The following RIMS2 variants were observed in gnomAD, a reference collection of about 807,000 sequenced individuals.
The protein encoded by RIMS2 is regulating synaptic membrane exocytosis protein 2.
In RIMS2, 59 loss-of-function variants were observed where a neutral mutation model predicts 174.4. The observed-to-expected ratio is 0.34, with a 90% CI of 0.27 to 0.42. The LOEUF is 0.42. Ranked by LOEUF, RIMS2 falls within the 10% of genes least tolerant of loss-of-function variation. RIMS2 has a pLI of 1.00. For synonymous variants in RIMS2, 606 were observed against 572.5 expected (o/e 1.06, Z -0.84); for missense variants, 1,620 against 1,666.3 (o/e 0.97, Z 0.48).
chr8:104,235,270 G>T (rs1446518354), intron 19 of RIMS2, among the ~76,000 whole-genome samples: 1 of 152,104 alleles, frequency 6.6e-6, no homozygotes, highest in Non-Finnish European at 1.5e-5. Flanking sequence ...ACTAAGTGAA[G>T]ATGGAAGCCC....
intron 19 of RIMS2, among the ~76,000 whole-genome samples, chr8:104,044,058 G>A (rs919190768): frequency 3.3e-5 from 5 of 151,574 alleles, no homozygotes; most frequent in African/African-American, 9.7e-5. Context: ...GATTTTGAGC[G>A]GCTTCCCCTC....
chr8:104,114,590 A>G (rs72683202), intron 19 of RIMS2, among the ~76,000 whole-genome samples: 3,497 of 152,090 alleles, frequency 0.023, 60 homozygotes, highest in Non-Finnish European at 0.037. Context: ...TAACAGTAGT[A>G]TTTAAACCCA....
chr8:103,910,001 TATATATAGTGAGTGCTACAGACAA>T, intron 4 of RIMS2: 1 of 517,676 alleles, frequency 1.9e-6, no homozygotes, highest in Non-Finnish European at 3.5e-6. Flanking sequence ...TATATATATA[TATATATAGTGAGTGCTACAGACAA>T]AGTTCTTGAG....
At chr8:104,066,923 A>G (rs2097114816) in intron 19 of RIMS2, among the ~76,000 whole-genome samples, 1 of 152,116 alleles carries the variant, frequency 6.6e-6, no homozygotes, top group South Asian at 2.1e-4. Context: ...ATTTTCATTA[A>G]ACGATTTTCC....
At chr8:104,079,874 T>A (rs2097378481) in intron 19 of RIMS2, among the ~76,000 whole-genome samples, 1 of 151,726 alleles carries the variant, frequency 6.6e-6, no homozygotes, top group Non-Finnish European at 1.5e-5. Flanking sequence ...GGATTAATTT[T>A]AGTGAATGAA....
intron 19 of RIMS2, chr8:104,223,590 G>A: frequency 6.7e-7 from 1 of 1,497,542 alleles, no homozygotes; most frequent in Non-Finnish European, 8.9e-7. Flanking sequence ...TGCGGACGCT[G>A]CGCCCCAGCC....
intron 6 of RIMS2, among the ~76,000 whole-genome samples, chr8:103,914,913 A>G (rs1422365141): frequency 5.9e-5 from 9 of 152,116 alleles, no homozygotes; most frequent in Non-Finnish European, 8.8e-5. Flanking sequence ...TTCATTTTCT[A>G]AAAGTTATAT....
intron 14 of RIMS2, among the ~76,000 whole-genome samples, chr8:103,956,876 A>ATC (rs2087464326): frequency 6.6e-6 from 1 of 152,362 alleles, no homozygotes; most frequent in Non-Finnish European, 1.5e-5. Context: ...AATATCCAGA[A>ATC]TCTACAAAGA....
At chr8:103,620,289 G>T (rs1224331955) in intron 1 of RIMS2, among the ~76,000 whole-genome samples, 1 of 151,856 alleles carries the variant, frequency 6.6e-6, no homozygotes, top group Non-Finnish European at 1.5e-5. Context: ...ATTTGCTCAG[G>T]GAATACAAGC....
intron 3 of RIMS2, chr8:103,819,554 A>T (rs751761905): frequency 6.2e-7 from 1 of 1,613,580 alleles, no homozygotes; most frequent in Non-Finnish European, 8.5e-7. Flanking sequence ...GTTTTATCTC[A>T]TTTTCATGGG....
At chr8:103,823,982 A>C (rs1262307145) in intron 3 of RIMS2, among the ~76,000 whole-genome samples, 1 of 152,042 alleles carries the variant, frequency 6.6e-6, no homozygotes, top group East Asian at 1.9e-4. Context: ...CTATAACATT[A>C]TTCATTATAG....
chr8:104,154,104 C>A (rs1324528348), intron 19 of RIMS2, among the ~76,000 whole-genome samples: 2 of 152,138 alleles, frequency 1.3e-5, no homozygotes, highest in Non-Finnish European at 1.5e-5. Flanking sequence ...ACATGTAAAT[C>A]ATTTAAACCT....
intron 16 of RIMS2, among the ~76,000 whole-genome samples, chr8:103,984,652 A>G (rs1184747021): frequency 6.6e-6 from 1 of 152,244 alleles, no homozygotes; most frequent in African/African-American, 2.4e-5. Flanking sequence ...GGTTCCTCAA[A>G]AAACTAAAAA....
At chr8:103,666,079 C>T (rs1460429160) in intron 1 of RIMS2, among the ~76,000 whole-genome samples, 2 of 152,012 alleles carry the variant, frequency 1.3e-5, no homozygotes, top group Non-Finnish European at 1.5e-5. Flanking sequence ...TCCCCTGAAC[C>T]AGAATAGATT....
chr8:103,918,206 T>C (rs925334486), intron 8 of RIMS2, among the ~76,000 whole-genome samples: 1 of 152,214 alleles, frequency 6.6e-6, no homozygotes, highest in African/African-American at 2.4e-5. Flanking sequence ...TTTAAAAGTA[T>C]GCTATGGATG....
intron 19 of RIMS2, among the ~76,000 whole-genome samples, chr8:104,240,694 TC>T (rs1214110322): frequency 6.6e-6 from 1 of 151,902 alleles, no homozygotes; most frequent in Non-Finnish European, 1.5e-5. Context: ...TCTGCCCTCC[TC>T]CCCCTCCCTT....
chr8:104,252,211 G>C (rs190532813), downstream of RIMS2: 1 of 226,762 alleles, frequency 4.4e-6, no homozygotes, highest in African/African-American at 2.3e-5. Context: ...CAGAAATGGA[G>C]CTATACAGCC....
chr8:104,013,401 C>T lies in RIMS2; in HGVS notation c.3045-41C>T, dbSNP rs775270014. ...GCATCATAACCAAATAGCAGAAGGG[C>T]ACTAAAGATCAACTGAGCTGCTTTT... On this transcript the variant is annotated intron_variant, in intron 17 of 23. Coordinates refer to ENST00000504942, the Ensembl canonical transcript of RIMS2. 18 of 1,529,752 alleles carry T rather than the reference C, an allele frequency of 1.2e-5. No individual in the cohort carries two copies. In the Admixed American group the frequency reaches 2.2e-4, roughly 19 times the overall value. The allele number at this position is 1,529,752 out of a possible 1,614,324, so 94.8% of individuals were successfully genotyped here. A position where few individuals can be genotyped will look rare whatever the true frequency, so the allele number is the denominator to read the frequency against.
intron 19 of RIMS2, among the ~76,000 whole-genome samples, chr8:104,057,201 G>A (rs2096885042): frequency 6.6e-6 from 1 of 151,448 alleles, no homozygotes; most frequent in South Asian, 2.1e-4. Flanking sequence ...CATGCATATG[G>A]GACCACAGGC....
Sources: allele counts gnomAD v4.1 joint callset (sites outside exome capture counted in the v4.1 genomes callset), GRCh38; gene constraint gnomAD v4.1.1; transcripts MANE v1.5; gene names NCBI Gene and HGNC (gene_info 2026-07-23, HGNC 2026-07-21).